Variants in AGMO observed in about 807,000 individuals in gnomAD.
The protein encoded by AGMO is glyceryl-ether monooxygenase.
AGMO carries 75 observed loss-of-function variants against 60.2 expected under a neutral mutation model. The observed-to-expected ratio is 1.25, with a 90% confidence interval of 1.03 to 1.51. The LOEUF (loss-of-function observed/expected upper bound fraction) is 1.51. AGMO is among the 40% of genes most tolerant of loss of function. The pLI is 0.00. For missense variants in AGMO, 763 were observed against 525.5 expected, an observed-to-expected ratio of 1.45 and a Z score of -4.42; for synonymous variants, 261 against 177.1, an observed-to-expected ratio of 1.47 and a Z score of -3.76.
rs1261306758 is a variant in AGMO at position 15,322,582 on chromosome 7, A to G, written c.1263+42932T>C. On this transcript the variant is annotated intron_variant, in intron 12 of 12. Coordinates refer to ENST00000342526, the MANE Select transcript of AGMO (RefSeq NM_001004320.2). ...AATATATAAATATATATAAATATAT[A>G]TAAATATATAAATATATATAAATAT... 7.1e-4 allele frequency among the ~76,000 whole-genome samples: 29 copies of G among 40,604 alleles called. 5 individuals carry two copies. Among genetic ancestry groups the G allele is most frequent in the African/African-American group, 3.7e-3 (29 of 7,814 alleles). 26.6% of individuals were successfully genotyped at this position (40,604 alleles called of 152,430 possible). A position where few individuals can be genotyped will look rare whatever the true frequency, so the allele number is the denominator to read the frequency against.
At chr7:15,230,355 C>T (rs552004852) in intron 12 of AGMO, among the ~76,000 whole-genome samples, 1 of 152,038 alleles carries the variant, frequency 6.6e-6, no homozygotes, top group Admixed American at 6.6e-5. Context: ...AAAAAATTAC[C>T]CATAAATACA....
intron 12 of AGMO, among the ~76,000 whole-genome samples, chr7:15,285,073 A>T (rs1784065274): frequency 6.6e-6 from 1 of 152,038 alleles, no homozygotes; most frequent in Non-Finnish European, 1.5e-5. Flanking sequence ...TAGTAGGGGC[A>T]TACCTCAAAA....
chr7:15,546,679 A>G (rs746935359), intron 2 of AGMO, among the ~76,000 whole-genome samples: 2 of 152,256 alleles, frequency 1.3e-5, no homozygotes, highest in Non-Finnish European at 2.9e-5. Flanking sequence ...CATGAGGCCA[A>G]GGGTTCCCAA....
At chr7:15,118,962 T>C in the AGMO span, among the ~76,000 whole-genome samples, 4 of 136,040 alleles carry the variant, frequency 2.9e-5, no homozygotes, top group Non-Finnish European at 6.2e-5. Context: ...AGTGGCACGA[T>C]AGAAAACACA....
chr7:15,280,532 GGACA>G (rs1239255606), intron 12 of AGMO, among the ~76,000 whole-genome samples: 3 of 152,142 alleles, frequency 2.0e-5, no homozygotes, highest in African/African-American at 4.8e-5. Flanking sequence ...TTAACACAAA[GGACA>G]GAAACTTTTG....
At position 15,465,464 on chromosome 7, in the gene AGMO, C is replaced by T. The variant is rs569525464; in HGVS notation, c.410-34356G>A. ...TTGAGACAAGATCTTGCTCTTTTGC[C>T]CAGGCTGGAGAACAGTGGCATGATA... On this transcript the variant is annotated intron_variant, in intron 3 of 12. Coordinates refer to ENST00000342526, the MANE Select transcript of AGMO (RefSeq NM_001004320.2). 2.3e-4 allele frequency among the ~76,000 whole-genome samples: 34 copies of T among 151,002 alleles called. No homozygotes were observed. In the South Asian group the frequency reaches 4.8e-3, roughly 21 times the overall value.
intron 12 of AGMO, among the ~76,000 whole-genome samples, chr7:15,338,319 A>G (rs1781727602): frequency 6.6e-6 from 1 of 152,206 alleles, no homozygotes; most frequent in African/African-American, 2.4e-5. Flanking sequence ...CATTCATCTG[A>G]TAGCTGAACA....
chr7:15,173,495 T>G, the AGMO span, among the ~76,000 whole-genome samples: 1 of 152,102 alleles, frequency 6.6e-6, no homozygotes, highest in East Asian at 1.9e-4. Context: ...AAGTCAAAAT[T>G]AAATTGTCTG....
At chr7:15,186,630 A>T in the AGMO span, among the ~76,000 whole-genome samples, 1 of 152,212 alleles carries the variant, frequency 6.6e-6, no homozygotes, top group Non-Finnish European at 1.5e-5. Flanking sequence ...CGTGCTATGA[A>T]TTCTATTTCA....
chr7:15,321,682 T>C (rs1215855106), intron 12 of AGMO, among the ~76,000 whole-genome samples: 1 of 152,062 alleles, frequency 6.6e-6, no homozygotes, highest in Non-Finnish European at 1.5e-5. Flanking sequence ...AGACGACTTC[T>C]ACGGAACAAA....
At chr7:15,303,864 T>C (rs1223236584) in intron 12 of AGMO, among the ~76,000 whole-genome samples, 1 of 152,180 alleles carries the variant, frequency 6.6e-6, no homozygotes, top group Non-Finnish European at 1.5e-5. Flanking sequence ...CTTGTTGCTG[T>C]GTTTAATTGT....
intron 12 of AGMO, among the ~76,000 whole-genome samples, chr7:15,267,125 T>C (rs908795514): frequency 3.3e-5 from 5 of 152,054 alleles, no homozygotes; most frequent in Admixed American, 1.3e-4. Context: ...TTGCTTCTCA[T>C]TAAGGGGAAA....
intron 3 of AGMO, among the ~76,000 whole-genome samples, chr7:15,537,843 C>T (rs1784520752): frequency 6.6e-6 from 1 of 151,992 alleles, no homozygotes; most frequent in Non-Finnish European, 1.5e-5. Flanking sequence ...TAAGAATATG[C>T]TATTTCTCCG....
intron 4 of AGMO, among the ~76,000 whole-genome samples, chr7:15,425,632 A>C (rs1583538741): frequency 6.6e-6 from 1 of 151,904 alleles, no homozygotes; most frequent in South Asian, 2.1e-4. Flanking sequence ...TAGAGACAGC[A>C]TCTTGTGATA....
In AGMO at chr7:15,237,056, T is replaced by C. The variant is rs147232881; in HGVS notation, c.1264-35697A>G. Among the ~76,000 whole-genome samples the C allele has an allele frequency of 4.6e-3, 695 of 152,292 alleles. 4 individuals are homozygous for C. Among genetic ancestry groups the C allele is most frequent in the Non-Finnish European group, 5.9e-3 (401 of 67,994 alleles). On this transcript the variant is annotated intron_variant, in intron 12 of 12. Coordinates refer to ENST00000342526, the MANE Select transcript of AGMO (RefSeq NM_001004320.2). ...AAAGAAAGATCCTTTGAATACCTTT[T>C]TAAAGTAAGCATTGTGAAATCAGTC... is the stretch of plus-strand genomic sequence containing the variant.
the AGMO span, among the ~76,000 whole-genome samples, chr7:15,127,572 G>T: frequency 2.0e-5 from 3 of 151,994 alleles, no homozygotes. Flanking sequence ...CAAAGATCAG[G>T]TAATAATACT....
chr7:15,147,278 G>T, the AGMO span, among the ~76,000 whole-genome samples: 1 of 152,096 alleles, frequency 6.6e-6, no homozygotes, highest in Non-Finnish European at 1.5e-5. Flanking sequence ...ACATATCCGA[G>T]ACTGGGTAAT....
At chr7:15,366,317 T>C (rs769456143) in intron 10 of AGMO, 95 bp from the exon 11 acceptor site, 22 of 813,376 alleles carry the variant, frequency 2.7e-5, no homozygotes, top group Non-Finnish European at 4.4e-5. Context: ...AAATTTTATG[T>C]CCTGTTGCAC....
At chr7:15,474,484 G>A (rs1782538987) in intron 3 of AGMO, among the ~76,000 whole-genome samples, 1 of 152,050 alleles carries the variant, frequency 6.6e-6, no homozygotes, top group South Asian at 2.1e-4. Flanking sequence ...CGGAAAAACT[G>A]GATAGCGATA....
Sources: allele counts gnomAD v4.1 joint callset (sites outside exome capture counted in the v4.1 genomes callset), GRCh38; gene constraint gnomAD v4.1.1; transcripts MANE v1.5; gene names NCBI Gene and HGNC (gene_info 2026-07-23, HGNC 2026-07-21).